SPTB: variants seen among roughly 807,000 people sequenced by gnomAD.
SPTB encodes spectrin beta chain, erythrocytic.
SPTB carries 45 observed loss-of-function variants against 256.2 expected under a neutral mutation model. The observed-to-expected ratio is 0.18, with a 90% CI of 0.14 to 0.23. The LOEUF (loss-of-function observed/expected upper bound fraction) is 0.23. Ranked by LOEUF, SPTB falls within the 10% of genes least tolerant of loss-of-function variation. SPTB has a pLI of 1.00. For synonymous variants in SPTB, 1,231 were observed against 1,243.1 expected (o/e 0.99, Z 0.21); for missense variants, 2,715 against 3,040.4 (o/e 0.89, Z 2.52).
In SPTB at chr14:64,767,820, G is replaced by A; in HGVS notation, c.6062C>T (p.Ala2021Val). The A allele has an allele frequency of 1.2e-6, 2 of 1,614,134 alleles. No individual in the cohort carries two copies. The highest frequency in any genetic ancestry group is 1.7e-6 in the Non-Finnish European group (2 of 1,180,000). Reference sequence around the variant, plus strand: ...CTCCTGGGCAATCAGCCACGCCTCAGCCACAGAGGCATCCCTCGAGAACTG... The same window carrying A: ...CTCCTGGGCAATCAGCCACGCCTCAACCACAGAGGCATCCCTCGAGAACTG... The part of the protein sequence containing the change: ...VCQFSRDASV[A>V]EAWLIAQEPY... Residue 2021 changes from alanine (A) to valine (V), a missense_variant, in exon 30 of 36, where the codon GCT becomes GTT. Ala to Val is a moderately conservative substitution (Grantham distance 64). Transcript: ENST00000644917.
intron 1 of SPTB, among the ~76,000 whole-genome samples, chr14:64,831,450 G>A (rs1407009207): frequency 6.6e-6 from 1 of 152,210 alleles, no homozygotes; most frequent in Non-Finnish European, 1.5e-5. Flanking sequence ...AAAACCCTAA[G>A]AAGAGATACT....
intron 1 of SPTB, among the ~76,000 whole-genome samples, chr14:64,851,869 GT>G (rs962649481): frequency 1.3e-5 from 2 of 151,718 alleles, no homozygotes; most frequent in Non-Finnish European, 2.9e-5. Flanking sequence ...GTTGTGGGGG[GT>G]GGAGGGGGGA....
chr14:64,749,255 C>G lies in SPTB; in HGVS notation c.*51G>C. ...CGGCGAGAGGAGGCCAAGGCCTGGG[C>G]TGCCCGGTCTCTGCGCGTCCCGACT... is the stretch of plus-strand genomic sequence containing the variant. On this transcript the variant is annotated 3_prime_UTR_variant, in exon 36 of 36. Coordinates refer to ENST00000644917, the MANE Select transcript of SPTB (RefSeq NM_001355436.2). This position sits in a 1 kb window ranked among gnomAD's most constrained non-coding sequence, Gnocchi z 4.7. 2.0e-6 allele frequency: 3 copies of G among 1,536,608 alleles called. No homozygotes were observed. Among genetic ancestry groups the G allele is most frequent in the Non-Finnish European group, 2.6e-6 (3 of 1,146,168 alleles).
chr14:64,777,001 C>G lies in SPTB; in HGVS notation c.4564-1598G>C, dbSNP rs2082369265. Among the ~76,000 whole-genome samples, 2 of 152,218 alleles carry G rather than the reference C, an allele frequency of 1.3e-5. No homozygotes were observed. Among genetic ancestry groups the G allele is most frequent in the Admixed American group, 1.3e-4 (2 of 15,280 alleles). ...AATGAATAAACAAAGGCTGGGCCTT[C>G]CTCCCTGGGGGCTACGAGGAAAAGA... On this transcript the variant is annotated intron_variant, in intron 22 of 35. Transcript: ENST00000644917. This position sits in a 1 kb window ranked among gnomAD's most constrained non-coding sequence, Gnocchi z 4.5.
rs770691474 is a variant in SPTB at position 64,774,501 on chromosome 14, C to T, written c.4869G>A (p.Leu1623=). ...CACGCTGCTGCCGCAAATGTCGCTT[C>T]AGCATCACAATGGCGCCCTCTTCAT... ...PKDEEGAIVM[L]KRHLRQQRAV... The change falls in exon 24 of 36, where the codon CTG becomes CTA. Residue 1623 remains leucine, a synonymous_variant. Coordinates refer to ENST00000644917, the MANE Select transcript of SPTB (RefSeq NM_001355436.2). 1.3e-6 allele frequency: 2 copies of T among 1,555,062 alleles called. No homozygotes were observed. The highest frequency in any genetic ancestry group is 1.7e-6 in the Non-Finnish European group (2 of 1,148,944).
At position 64,801,799 on chromosome 14, in the gene SPTB, C is replaced by G; in HGVS notation, c.602G>C (p.Ser201Thr). The change falls in exon 6 of 36, where the codon AGC becomes ACC. Residue 201 changes from serine (S) to threonine (T), a missense_variant. Ser to Thr is a moderately conservative substitution (Grantham distance 58, BLOSUM62 1). Coordinates refer to ENST00000644917, the MANE Select transcript of SPTB (RefSeq NM_001355436.2). ...ATTAAAGGCCAAGCCATCCTTCCAG[C>G]TGGAGGTAAAGTTGGTGACATTAAC... is the stretch of plus-strand genomic sequence containing the variant. ...PHVNVTNFTS[S>T]WKDGLAFNAL... is the part of the protein sequence containing the mutation. 1 of 1,614,202 alleles carries G rather than the reference C, an allele frequency of 6.2e-7. No individual in the cohort carries two copies. The highest frequency in any genetic ancestry group is 8.5e-7 in the Non-Finnish European group (1 of 1,180,034).
chr14:64,821,561 A>G (rs1327866649), intron 2 of SPTB, among the ~76,000 whole-genome samples: 1 of 149,532 alleles, frequency 6.7e-6, no homozygotes, highest in African/African-American at 2.5e-5. Context: ...AGATATAAGA[A>G]GGTAAAACCA....
In SPTB at chr14:64,764,117, C is replaced by T. The variant is rs562791486; in HGVS notation, c.6345+2609G>A. Among the ~76,000 whole-genome samples, 2 of 152,250 alleles carry T rather than the reference C, an allele frequency of 1.3e-5. No individual in the cohort carries two copies. The highest frequency in any genetic ancestry group is 4.8e-5 in the African/African-American group (2 of 41,466). ...AGAGGACCAGCAGGAGAGCCACCATCCCCCAGGACTATCCCCAAGGGGAGG... is the reference window on the plus strand; with the variant it reads ...AGAGGACCAGCAGGAGAGCCACCATTCCCCAGGACTATCCCCAAGGGGAGG... On this transcript the variant is annotated intron_variant, in intron 32 of 35. Coordinates refer to ENST00000644917, the MANE Select transcript of SPTB (RefSeq NM_001355436.2). This position sits in a 1 kb window ranked among gnomAD's most constrained non-coding sequence, Gnocchi z 4.2.
intron 1 of SPTB, among the ~76,000 whole-genome samples, chr14:64,828,155 G>C (rs561231347): frequency 2.6e-5 from 4 of 152,152 alleles, no homozygotes; most frequent in African/African-American, 7.2e-5. Flanking sequence ...CATTCTGGTC[G>C]ACTGCTGTTT....
In SPTB at chr14:64,795,495, G is replaced by T; in HGVS notation, c.1486C>A (p.Gln496Lys). 1 of 1,614,166 alleles carries T rather than the reference G, an allele frequency of 6.2e-7. No individual in the cohort carries two copies. The highest frequency in any genetic ancestry group is 8.5e-7 in the Non-Finnish European group (1 of 1,180,040). The change falls in exon 12 of 36, where the codon CAG becomes AAG. Residue 496 changes from glutamine (Q) to lysine (K), a missense_variant. By Grantham distance (53) the Gln-to-Lys change is moderately conservative. Around this residue, in one of 4 missense-constraint regions of SPTB, gnomAD observed 2,239 missense variants for 2,384.4 expected, o/e 0.94. Transcript: ENST00000644917. This position sits in a 1 kb window ranked among gnomAD's most constrained non-coding sequence, Gnocchi z 6.5. ...QELEKENYHD[Q>K]KRITARKDNI... ...TCCTTGCGGGCCGTGATGCGCTTCT[G>T]GTCATGGTAGTTCTCTTTCTCCAGC...
intron 1 of SPTB, among the ~76,000 whole-genome samples, chr14:64,859,977 G>C (rs1023847160): frequency 7.9e-5 from 12 of 152,130 alleles, no homozygotes; most frequent in African/African-American, 2.9e-4. Flanking sequence ...ATCTCAATGA[G>C]AAAAGGTAAA....
chr14:64,797,487 AAAAAAAAAAAAAAAAG>A (rs1305390248), intron 10 of SPTB, among the ~76,000 whole-genome samples: 3 of 146,456 alleles, frequency 2.0e-5, no homozygotes, highest in South Asian at 2.2e-4. Context: ...AAAAAAAAAA[AAAAAAAAAAAAAAAAG>A]GACTCAGGGA....
chr14:64,803,528 G>A (rs978395337), intron 4 of SPTB, 79 bp downstream of exon 4: 3 of 1,572,556 alleles, frequency 1.9e-6, no homozygotes, highest in Admixed American at 1.7e-5. Context: ...CCCACACTCT[G>A]TTCAGCATTT....
At chr14:64,851,974 C>T (rs193116258) in intron 1 of SPTB, among the ~76,000 whole-genome samples, 132 of 152,244 alleles carry the variant, frequency 8.7e-4, no homozygotes, top group African/African-American at 2.9e-3. Context: ...AGGGCACACA[C>T]TTACCTATGT....
chr14:64,851,040 A>G (rs1166506947), intron 1 of SPTB, among the ~76,000 whole-genome samples: 1 of 152,258 alleles, frequency 6.6e-6, no homozygotes, highest in African/African-American at 2.4e-5. Flanking sequence ...CAGATTATAC[A>G]GAAATGTCCA....
In SPTB at chr14:64,749,277, G is replaced by A. The variant is rs756408647; in HGVS notation, c.*29C>T. 2.7e-5 allele frequency: 42 copies of A among 1,552,814 alleles called. No homozygotes were observed. In the South Asian group the frequency reaches 3.3e-4, roughly 12 times the overall value. On this transcript the variant is annotated 3_prime_UTR_variant, in exon 36 of 36. Coordinates refer to ENST00000644917, the MANE Select transcript of SPTB (RefSeq NM_001355436.2). This position sits in a 1 kb window ranked among gnomAD's most constrained non-coding sequence, Gnocchi z 4.7. ...GGGCTGCCCGGTCTCTGCGCGTCCC[G>A]ACTCCGCCGCGCCCGCCAGCCCCAC...
chr14:64,872,462 A>G lies in SPTB; in HGVS notation c.-52+7330T>C, dbSNP rs1483904464. ...ATCTGCTTGAGACACAAATCCCAAC[A>G]AGTCACTCCCCTGCCCACAACTTCC... is the stretch of plus-strand genomic sequence containing the variant. On this transcript the variant is annotated intron_variant, in intron 1 of 35. Coordinates refer to ENST00000644917, the MANE Select transcript of SPTB (RefSeq NM_001355436.2). Among the ~76,000 whole-genome samples the G allele has an allele frequency of 2.0e-5, 3 of 152,124 alleles. No homozygotes were observed. The East Asian group carries it at 5.8e-4, about 29-fold the overall frequency.
rs1456810983 is a variant in SPTB, at chr14:64,866,760, T to C, written c.-52+13032A>G. On this transcript the variant is annotated intron_variant, in intron 1 of 35. Coordinates refer to ENST00000644917, the MANE Select transcript of SPTB (RefSeq NM_001355436.2). This position sits in a 1 kb window ranked among gnomAD's most constrained non-coding sequence, Gnocchi z 4.6. ...AGGGCAGAACAAGCCAACCAAAAAA[T>C]ACTGTAATATATTACAAGGTAGTTC... is the stretch of plus-strand genomic sequence containing the variant. Among the ~76,000 whole-genome samples, 1 of 152,148 alleles carries C rather than the reference T, an allele frequency of 6.6e-6. No homozygotes were observed. Among genetic ancestry groups the C allele is most frequent in the Non-Finnish European group, 1.5e-5 (1 of 68,022 alleles).
chr14:64,848,158 A>G (rs1313388760), intron 1 of SPTB, among the ~76,000 whole-genome samples: 1 of 152,144 alleles, frequency 6.6e-6, no homozygotes, highest in African/African-American at 2.4e-5. Context: ...ACACCACCAC[A>G]TGATGGCTCC....
Sources: gnomAD v4.1 joint callset for allele counts (sites outside exome capture counted in the v4.1 genomes callset) on GRCh38, gnomAD v4.1.1 for gene constraint, gnomAD v4.1.1 regional missense constraint, Gnocchi (gnomAD v3.1) non-coding constraint, MANE v1.5 for transcripts, NCBI Gene and HGNC (gene_info 2026-07-23, HGNC 2026-07-21) for gene names.